ADPRS: variants seen among roughly 807,000 people sequenced by gnomAD.
ADPRS encodes ADP-ribosylserine hydrolase.
ADPRS carries 25 observed loss-of-function variants against 32.1 expected under a neutral mutation model. That is an observed-to-expected ratio of 0.78 (90% CI 0.57 to 1.09). ADPRS has a LOEUF of 1.09. Ranked by LOEUF, ADPRS falls within the 50% of genes least tolerant of loss-of-function variation. The pLI, the probability that ADPRS is intolerant of heterozygous loss-of-function variation, is 0.00. For synonymous variants in ADPRS, 225 were observed against 201.0 expected (o/e 1.12, Z -1.01); for missense variants, 482 against 480.6 (o/e 1.00, Z -0.03).
chr1:36,089,221 A>C, intron 1 of ADPRS, 106 bp downstream of exon 1: 1 of 1,274,080 alleles, frequency 7.8e-7, no homozygotes, highest in Non-Finnish European at 1.0e-6. Flanking sequence ...GAGGCTGCCG[A>C]GGGCACCGGG....
At position 36,091,900 on chromosome 1, in the gene ADPRS, TCCTC is replaced by T. The variant is rs1643489294; in HGVS notation, c.517-6_517-3del. The T allele has an allele frequency of 1.3e-6, 2 of 1,597,430 alleles. No homozygotes were observed. Among genetic ancestry groups the T allele is most frequent in the Non-Finnish European group, 1.7e-6 (2 of 1,168,782 alleles). On this transcript the variant is annotated splice_polypyrimidine_tract_variant and splice_region_variant and intron_variant, in intron 3 of 5. Coordinates refer to ENST00000373178, the MANE Select transcript of ADPRS (RefSeq NM_017825.3). ...AGGGCTTCTGTGACAGCAGGTCTCC[TCCTC>T]CCTAGTTTGCCCGGCTCTCGGCCCA...
rs1258526279 is a variant in ADPRS at position 36,091,234 on chromosome 1, C to T, written c.212-10C>T. 6.2e-7 allele frequency: 1 copy of T among 1,612,192 alleles called. No homozygotes were observed. Among genetic ancestry groups the T allele is most frequent in the South Asian group, 1.1e-5 (1 of 91,018 alleles). On this transcript the variant is annotated splice_polypyrimidine_tract_variant and intron_variant, in intron 1 of 5. Transcript: ENST00000373178. ...GCAGGAGGCTCTCATCCTCCCTCCT[C>T]TCCCCACAGAAGCCTTGTACTACAC...
rs1643437819 is a variant in ADPRS at position 36,088,931 on chromosome 1, G to A, written c.27G>A (p.Ala9=). The part of the protein sequence containing the change: MAAAAMAA[A]AGGGAGAARS... ...TGGCCGCAGCGGCGATGGCGGCAGC[G>A]GCAGGTGGAGGGGCTGGCGCGGCCC... is the stretch of plus-strand genomic sequence containing the variant. The change falls in exon 1 of 6, where the codon GCG becomes GCA. Residue 9 remains alanine (A), a synonymous_variant. Transcript: ENST00000373178. The A allele has an allele frequency of 2.0e-6, 3 of 1,526,288 alleles. No individual in the cohort carries two copies. The highest frequency in any genetic ancestry group is 5.1e-5 in the East Asian group (2 of 38,964). The allele number at this position is 1,526,288 out of a possible 1,614,324, so 94.5% of individuals were successfully genotyped here.
At position 36,092,545 on chromosome 1, in the gene ADPRS, G is replaced by C. The variant is rs1308841343; in HGVS notation, c.802+23G>C. 6.2e-6 allele frequency: 10 copies of C among 1,609,784 alleles called. No homozygotes were observed. In the Admixed American group the frequency reaches 1.7e-4, roughly 27 times the overall value. ...TAGGTGAGTGGGTCTGCCTGGGATT[G>C]TCTCTCCCTCTGTCGTCCTTCAGGG... On this transcript the variant is annotated intron_variant, in intron 5 of 5. Coordinates refer to ENST00000373178, the MANE Select transcript of ADPRS (RefSeq NM_017825.3).
At chr1:36,092,666 C>T (rs1051958724) in intron 5 of ADPRS, 144 bp downstream of exon 5, 11 of 734,066 alleles carry the variant, frequency 1.5e-5, no homozygotes, top group South Asian at 5.4e-5. Context: ...TTGAGCTCAG[C>T]GCTTCTTGCT....
chr1:36,093,386 A>G lies in ADPRS; in HGVS notation c.1092A>G (p.Ter364TrpextTer1), dbSNP rs927799465. The G allele has an allele frequency of 3.1e-6, 5 of 1,611,786 alleles. No individual in the cohort carries two copies. Among genetic ancestry groups the G allele is most frequent in the East Asian group, 2.2e-5 (1 of 44,858 alleles). ...QSLHRVFQKS[*>W] ...TGCACCGTGTCTTCCAGAAGAGTTG[A>G]TGAGGGCTACAGCTGTTGGGGCTCT... Residue 364 changes from the stop codon to tryptophan, a stop_lost, in exon 6 of 6, where the codon TGA (stop) becomes TGG (tryptophan). Coordinates refer to ENST00000373178, the MANE Select transcript of ADPRS (RefSeq NM_017825.3).
intron 2 of ADPRS, 123 bp downstream of exon 2, chr1:36,091,463 G>T: frequency 8.2e-7 from 1 of 1,226,272 alleles, no homozygotes. Flanking sequence ...GTGTCAGGCT[G>T]GCACAGCTTC....
rs368043338 is a variant in ADPRS, at chr1:36,089,061, C to T, written c.157C>T (p.Arg53Cys). Residue 53 changes from arginine (R) to cysteine (C), a missense_variant, in exon 1 of 6, where the codon CGT (arginine) becomes TGT (cysteine). Coordinates refer to ENST00000373178, the MANE Select transcript of ADPRS (RefSeq NM_017825.3). ...CACCGTCGACCTGACGTCAGTCCTG[C>T]GTCATGTCCAGAGTCTGGAGCCGGA... ...HDTVDLTSVL[R>C]HVQSLEPDPG... 8 of 1,466,516 alleles carry T rather than the reference C, an allele frequency of 5.5e-6. No individual in the cohort carries two copies. The highest frequency in any genetic ancestry group is 6.3e-6 in the Non-Finnish European group (7 of 1,113,086). 90.8% of individuals were successfully genotyped at this position (1,466,516 alleles called of 1,614,324 possible). A position where few individuals can be genotyped will look rare whatever the true frequency, so the allele number is the denominator to read the frequency against.
At chr1:36,089,498 G>GA (rs1241959662) in intron 1 of ADPRS, among the ~76,000 whole-genome samples, 2 of 152,132 alleles carry the variant, frequency 1.3e-5, no homozygotes, top group Non-Finnish European at 2.9e-5. Context: ...TCAGAAAGCC[G>GA]AAAAAAACTT....
intron 1 of ADPRS, 98 bp downstream of exon 1, chr1:36,089,213 G>T: frequency 1.5e-6 from 2 of 1,292,416 alleles, no homozygotes; most frequent in Non-Finnish European, 2.0e-6. Flanking sequence ...GCGGGGATGA[G>T]GCTGCCGAGG....
intron 1 of ADPRS, 45 bp downstream of exon 1, chr1:36,089,160 C>T (rs1251197646): frequency 2.9e-6 from 4 of 1,379,460 alleles, no homozygotes; most frequent in Non-Finnish European, 3.7e-6. Context: ...GGGAGGGAGG[C>T]CGAAGGGGCG....
rs1339663109 is a variant in ADPRS, at chr1:36,091,296, C to T, written c.264C>T (p.Ser88=). ...CCATGGCCAGGGCCCTGGTGCAGTC[C>T]CTGCTAGCCAAGGAGGCCTTTGACG... ...DTAMARALVQ[S]LLAKEAFDEV... is the part of the protein sequence containing the mutation. The change falls in exon 2 of 6, where the codon TCC becomes TCT. Residue 88 remains serine (S), a synonymous_variant. Coordinates refer to ENST00000373178, the MANE Select transcript of ADPRS (RefSeq NM_017825.3). The T allele has an allele frequency of 6.2e-7, 1 of 1,614,200 alleles. No homozygotes were observed. The highest frequency in any genetic ancestry group is 1.3e-5 in the African/African-American group (1 of 75,060).
chr1:36,092,581 G>A, intron 5 of ADPRS, 59 bp downstream of exon 5: 1 of 1,521,464 alleles, frequency 6.6e-7, no homozygotes, highest in Non-Finnish European at 9.1e-7. Context: ...TCGGTCTTGG[G>A]CTCAGGGGAG....
intron 1 of ADPRS, 101 bp from the exon 2 acceptor site, chr1:36,091,142 CT>C: frequency 2.3e-6 from 2 of 885,912 alleles, no homozygotes; most frequent in Admixed American, 4.2e-5. Flanking sequence ...GCACTCCAGT[CT>C]GGGCAACAGA....
chr1:36,090,875 TAAAAG>T (rs1172137596), intron 1 of ADPRS, among the ~76,000 whole-genome samples: 1 of 151,206 alleles, frequency 6.6e-6, no homozygotes, highest in Non-Finnish European at 1.5e-5. Flanking sequence ...TAAACTAAAA[TAAAAG>T]GTGAGCAGGG....
chr1:36,090,239 C>T (rs762312232), intron 1 of ADPRS, among the ~76,000 whole-genome samples: 49 of 152,022 alleles, frequency 3.2e-4, no homozygotes, highest in Admixed American at 1.1e-3. Context: ...GAAGGATCAT[C>T]GCTTAAGTCC....
At chr1:36,090,857 T>A (rs1643470893) in intron 1 of ADPRS, among the ~76,000 whole-genome samples, 2 of 151,216 alleles carry the variant, frequency 1.3e-5, no homozygotes, top group South Asian at 4.2e-4. Flanking sequence ...ACCAAAAAAA[T>A]AATAATATAA....
At chr1:36,091,402 A>G (rs1433365036) in intron 2 of ADPRS, 62 bp downstream of exon 2, 2 of 1,506,008 alleles carry the variant, frequency 1.3e-6, no homozygotes, top group Non-Finnish European at 1.8e-6. Flanking sequence ...CCCCTTGACC[A>G]GAGGAATGAC....
rs1643436359 is a variant in ADPRS at position 36,088,900 on chromosome 1, C to T, written c.-5C>T. The stretch of plus-strand genomic sequence containing the variant: ...CACCGGAAGTGGCGAGCAGTCTGCG[C>T]GCGGATGGCCGCAGCGGCGATGGCG... On this transcript the variant is annotated 5_prime_UTR_variant, in exon 1 of 6. Transcript: ENST00000373178. The T allele has an allele frequency of 3.3e-6, 5 of 1,525,518 alleles. No individual in the cohort carries two copies. Among genetic ancestry groups the T allele is most frequent in the South Asian group, 2.4e-5 (2 of 83,670 alleles). The allele number at this position is 1,525,518 out of a possible 1,614,324, so 94.5% of individuals were successfully genotyped here.
Sources: allele counts gnomAD v4.1 joint callset (sites outside exome capture counted in the v4.1 genomes callset), GRCh38; gene constraint gnomAD v4.1.1; transcripts MANE v1.5; gene names NCBI Gene and HGNC (gene_info 2026-07-23, HGNC 2026-07-21).